MYH10: variants seen among roughly 807,000 people sequenced by gnomAD.
The protein encoded by MYH10 is myosin-10.
Under a neutral mutation model 257.8 loss-of-function variants are expected in MYH10, and 55 were observed. That is an observed-to-expected ratio of 0.21 (90% CI 0.17 to 0.27). The LOEUF (loss-of-function observed/expected upper bound fraction) is 0.27. Among genes scored for constraint, MYH10 ranks in the 10% least tolerant of loss-of-function variants. MYH10 has a pLI of 1.00. For missense variants in MYH10, 1,631 were observed against 2,500.6 expected, an observed-to-expected ratio of 0.65 and a Z score of 7.42; for synonymous variants, 854 against 921.7, an observed-to-expected ratio of 0.93 and a Z score of 1.33.
intron 1 of MYH10, among the ~76,000 whole-genome samples, chr17:8,627,818 A>T (rs2085740652): frequency 6.6e-6 from 1 of 152,194 alleles, no homozygotes. Flanking sequence ...ACATACATCA[A>T]CTCTTAATCC....
chr17:8,602,829 T>C (rs995826101), intron 3 of MYH10, among the ~76,000 whole-genome samples: 10 of 152,336 alleles, frequency 6.6e-5, no homozygotes, highest in Middle Eastern at 3.4e-3. Context: ...ATAGGGATAG[T>C]AATTCTATTT....
intron 17 of MYH10, among the ~76,000 whole-genome samples, chr17:8,525,369 C>T (rs2081808617): frequency 6.6e-6 from 1 of 152,226 alleles, no homozygotes; most frequent in Non-Finnish European, 1.5e-5. Flanking sequence ...TTTCCAGCAT[C>T]TTACATACTC....
chr17:8,623,170 G>T lies in MYH10; in HGVS notation c.77C>A (p.Thr26Asn), dbSNP rs1176593697. 1.2e-6 allele frequency: 2 copies of T among 1,613,576 alleles called. No individual in the cohort carries two copies. The highest frequency in any genetic ancestry group is 4.5e-5 in the East Asian group (2 of 44,878). ...CTTTTTAGCTGTCCAATCAGCTTGA[G>T]TGGCAGGGTTGTAGATGACAGCCCT... ...VDRAVIYNPA[T>N]QADWTAKKLV... The change falls in exon 2 of 43, where the codon ACT becomes AAT. Residue 26 changes from threonine to asparagine, a missense_variant. By Grantham distance (65) the Thr-to-Asn change is moderately conservative. Coordinates refer to ENST00000360416, the MANE Select transcript of MYH10 (RefSeq NM_001256012.3).
chr17:8,593,108 G>GA (rs1379630721), intron 3 of MYH10, among the ~76,000 whole-genome samples: 68 of 151,048 alleles, frequency 4.5e-4, no homozygotes, highest in South Asian at 1.7e-3. Flanking sequence ...CTGAATAGAT[G>GA]TAAAAAAGCG....
intron 21 of MYH10, among the ~76,000 whole-genome samples, chr17:8,514,141 G>A (rs890738428): frequency 2.0e-5 from 3 of 152,144 alleles, no homozygotes; most frequent in Non-Finnish European, 2.9e-5. Context: ...CTTCAGGGAC[G>A]CTGCCCTGCA....
At position 8,493,814 on chromosome 17, in the gene MYH10, C is replaced by A; in HGVS notation, c.4128G>T (p.Lys1376Asn). Residue 1376 changes from lysine (K) to asparagine (N), a missense_variant, in exon 32 of 43, where the codon AAG becomes AAT. Transcript: ENST00000360416. ...SSRIRQLEEEKNSLQEQQEEE... is the reference protein window; with the variant it reads ...SSRIRQLEEENNSLQEQQEEE... ...CCTCCTGCTGCTCCTGAAGACTGTT[C>A]TTCTCCTCTTCCAGCTGCCGGATCC... 3.7e-6 allele frequency: 6 copies of A among 1,614,016 alleles called. No homozygotes were observed. The highest frequency in any genetic ancestry group is 5.1e-6 in the Non-Finnish European group (6 of 1,179,950).
Position 8,480,394 on chromosome 17 carries a change from T to C in MYH10, c.5388+8A>G, listed in dbSNP as rs375547470. ...CCTCCCTGGGTGACGGGCTCCTGCA[T>C]GGGCCACCTGTAGAGTGGTCTTGCG... On this transcript the variant is annotated splice_region_variant and intron_variant, in intron 39 of 42. Coordinates refer to ENST00000360416, the MANE Select transcript of MYH10 (RefSeq NM_001256012.3). The C allele has an allele frequency of 2.1e-4, 338 of 1,613,456 alleles. 1 individual carries two copies. In the African/African-American group the frequency reaches 4.0e-3, roughly 19 times the overall value.
At chr17:8,586,161 G>A (rs188854608) in intron 4 of MYH10, among the ~76,000 whole-genome samples, 9 of 152,250 alleles carry the variant, frequency 5.9e-5, no homozygotes, top group Non-Finnish European at 1.2e-4. Flanking sequence ...AATAGACCAA[G>A]AGAACCCTCC....
intron 6 of MYH10, among the ~76,000 whole-genome samples, chr17:8,571,904 T>G (rs1344333135): frequency 1.4e-5 from 2 of 147,912 alleles, no homozygotes; most frequent in Non-Finnish European, 3.0e-5. Context: ...CACTTTGCAT[T>G]AACTGTTTGG....
At chr17:8,528,224 T>C (rs113415691) in intron 17 of MYH10, among the ~76,000 whole-genome samples, 149 of 152,276 alleles carry the variant, frequency 9.8e-4, no homozygotes, top group African/African-American at 3.2e-3. Flanking sequence ...GATACATAAT[T>C]GTACCTCCAA....
At chr17:8,629,354 C>G (rs1315558258) in intron 1 of MYH10, among the ~76,000 whole-genome samples, 3 of 149,502 alleles carry the variant, frequency 2.0e-5, no homozygotes, top group Non-Finnish European at 4.4e-5. Context: ...CCCAGCCCAC[C>G]CCACCCCCTT....
At chr17:8,621,314 C>T (rs1305339839) in intron 2 of MYH10, among the ~76,000 whole-genome samples, 1 of 152,138 alleles carries the variant, frequency 6.6e-6, no homozygotes, top group Non-Finnish European at 1.5e-5. Flanking sequence ...CCCCATGATC[C>T]CTGTTCCTCA....
At chr17:8,540,252 C>T (rs1460430047) in intron 14 of MYH10, among the ~76,000 whole-genome samples, 2 of 152,232 alleles carry the variant, frequency 1.3e-5, no homozygotes, top group Non-Finnish European at 2.9e-5. Context: ...GCCTCAGCCT[C>T]CCAAAGTACT....
rs1455451236 is a variant in MYH10, at chr17:8,535,172, T to C, written c.1894+215A>G. On this transcript the variant is annotated intron_variant, in intron 16 of 42. Transcript: ENST00000360416. The surrounding 1 kb of genome is among the most constrained non-coding windows in gnomAD (Gnocchi z 4.3). ...AGAATGTTTCTGTACTCCTACAACA[T>C]CTGACCAAGAAGGTAGCTGTCTCTG... is the stretch of plus-strand genomic sequence containing the variant. Among the ~76,000 whole-genome samples, 3 of 152,184 alleles carry C rather than the reference T, an allele frequency of 2.0e-5. No individual in the cohort carries two copies. The East Asian group carries it at 5.8e-4, about 29-fold the overall frequency.
rs1361230646 is a variant in MYH10, at chr17:8,474,584, A to G, written c.*1220T>C. ...AATACCACTTTGACTAGAGAGGTAC[A>G]TGATATGAAGCACAGTCAAAACTGA... On this transcript the variant is annotated 3_prime_UTR_variant, in exon 43 of 43. Transcript: ENST00000360416. The G allele has an allele frequency of 2.0e-5, 3 of 152,674 alleles. No individual in the cohort carries two copies. The highest frequency in any genetic ancestry group is 6.5e-5 in the Admixed American group (1 of 15,290). 9.5% of individuals were successfully genotyped at this position (152,674 alleles called of 1,614,324 possible). A position where few individuals can be genotyped will look rare whatever the true frequency, so the allele number is the denominator to read the frequency against.
intron 40 of MYH10, among the ~76,000 whole-genome samples, chr17:8,479,107 C>T (rs1913220518): frequency 6.6e-6 from 1 of 152,188 alleles, no homozygotes; most frequent in Non-Finnish European, 1.5e-5. Flanking sequence ...CTTTTGAAGA[C>T]ACCATCCTTA....
In MYH10 at chr17:8,490,585, C is replaced by T. The variant is rs375328979; in HGVS notation, c.4672-33G>A. 2.1e-5 allele frequency: 33 copies of T among 1,597,812 alleles called. No individual in the cohort carries two copies. Among genetic ancestry groups the T allele is most frequent in the Middle Eastern group, 1.7e-4 (1 of 6,036 alleles). ...ACCGAAGCATCAGGAAAGAGTTGAC[C>T]GGGGTGGAGGCACATATGAAGAACA... On this transcript the variant is annotated intron_variant, in intron 34 of 42. Transcript: ENST00000360416. This position sits in a 1 kb window ranked among gnomAD's most constrained non-coding sequence, Gnocchi z 4.1.
At chr17:8,536,183 C>G (rs11870039) in intron 14 of MYH10, among the ~76,000 whole-genome samples, 3,854 of 151,940 alleles carry the variant, frequency 0.025, 169 homozygotes, top group African/African-American at 0.085. Context: ...ATGTAAATTG[C>G]AAGTAAATGA....
At position 8,506,241 on chromosome 17, in the gene MYH10, A is replaced by G; in HGVS notation, c.3386+77T>C. 7.0e-7 allele frequency: 1 copy of G among 1,426,534 alleles called. No homozygotes were observed. Among genetic ancestry groups the G allele is most frequent in the Non-Finnish European group, 9.2e-7 (1 of 1,081,456 alleles). The allele number at this position is 1,426,534 out of a possible 1,614,324, so 88.4% of individuals were successfully genotyped here. On this transcript the variant is annotated intron_variant, in intron 27 of 42. Transcript: ENST00000360416. This position sits in a 1 kb window ranked among gnomAD's most constrained non-coding sequence, Gnocchi z 5.0. ...CATCTCACTCTCCCAGGGTTTTTGA[A>G]TGCTCCCGAACATAACAAAGTCTGC... is the stretch of plus-strand genomic sequence containing the variant.
Sources: allele counts gnomAD v4.1 joint callset (sites outside exome capture counted in the v4.1 genomes callset), GRCh38; gene constraint gnomAD v4.1.1; non-coding constraint Gnocchi (gnomAD v3.1); transcripts MANE v1.5; gene names NCBI Gene and HGNC (gene_info 2026-07-23, HGNC 2026-07-21).